Variants in PTPRD observed in about 807,000 individuals in gnomAD.
The protein encoded by PTPRD is protein tyrosine phosphatase receptor type D.
A neutral mutation model predicts 214.5 loss-of-function variants in PTPRD; 34 were observed. The observed-to-expected ratio is 0.16, with a 90% CI of 0.12 to 0.21. The LOEUF is 0.21. Ranked by LOEUF, PTPRD falls within the 10% of genes least tolerant of loss-of-function variation. PTPRD has a pLI of 1.00. For missense variants in PTPRD, 2,545 were observed against 2,398.7 expected (o/e 1.06, Z -1.27); for synonymous variants, 1,128 against 845.7 (o/e 1.33, Z -5.79).
chr9:9,148,347 G>T (rs1431164506), intron 10 of PTPRD, among the ~76,000 whole-genome samples: 6 of 151,910 alleles, frequency 3.9e-5, no homozygotes, highest in Non-Finnish European at 7.4e-5. Flanking sequence ...TTATACAGAA[G>T]AAAATATAGT....
chr9:10,423,222 G>T (rs1420473500), intron 2 of PTPRD, among the ~76,000 whole-genome samples: 1 of 151,840 alleles, frequency 6.6e-6, no homozygotes, highest in Non-Finnish European at 1.5e-5. Flanking sequence ...ACCAAGCACC[G>T]CATGTTCTCA....
At chr9:9,616,199 A>T (rs1031509914) in intron 7 of PTPRD, among the ~76,000 whole-genome samples, 1 of 152,162 alleles carries the variant, frequency 6.6e-6, no homozygotes, top group Admixed American at 6.5e-5. Context: ...TTACATTTAA[A>T]TTTCAAATGA....
At chr9:8,828,707 C>G (rs1437353686) in intron 11 of PTPRD, among the ~76,000 whole-genome samples, 1 of 152,132 alleles carries the variant, frequency 6.6e-6, no homozygotes, top group Non-Finnish European at 1.5e-5. Flanking sequence ...GTACTATTAT[C>G]TACGCATCTC....
At chr9:9,608,332 G>C (rs946923196) in intron 7 of PTPRD, among the ~76,000 whole-genome samples, 1 of 152,090 alleles carries the variant, frequency 6.6e-6, no homozygotes, top group Non-Finnish European at 1.5e-5. Context: ...CTGGTGCATG[G>C]TTATTTAACC....
chr9:9,781,793 T>C (rs1359637945), intron 5 of PTPRD, among the ~76,000 whole-genome samples: 2 of 122,554 alleles, frequency 1.6e-5, no homozygotes, highest in East Asian at 2.8e-4. Context: ...TTGTCTGGAC[T>C]CATATTTTTT....
intron 8 of PTPRD, among the ~76,000 whole-genome samples, chr9:9,456,661 C>G (rs1321258067): frequency 1.3e-5 from 2 of 151,850 alleles, no homozygotes; most frequent in African/African-American, 4.8e-5. Flanking sequence ...TTATTATGAG[C>G]TATACATTTC....
intron 9 of PTPRD, among the ~76,000 whole-genome samples, chr9:9,392,048 T>A (rs2066022488): frequency 6.6e-6 from 1 of 152,128 alleles, no homozygotes; most frequent in South Asian, 2.1e-4. Flanking sequence ...GTACCAAATT[T>A]ATAGTCCTAG....
chr9:9,579,678 C>CT (rs2090130122), intron 7 of PTPRD, among the ~76,000 whole-genome samples: 1 of 152,094 alleles, frequency 6.6e-6, no homozygotes, highest in Non-Finnish European at 1.5e-5. Context: ...CTCTCCTACC[C>CT]TTCAGTTAGA....
At chr9:8,371,555 G>A (rs1436490167) in intron 39 of PTPRD, among the ~76,000 whole-genome samples, 1 of 152,018 alleles carries the variant, frequency 6.6e-6, no homozygotes, top group Non-Finnish European at 1.5e-5. Context: ...TGTTTCTCCA[G>A]AGTTACAACT....
chr9:9,022,479 T>G (rs1025116780), intron 10 of PTPRD, among the ~76,000 whole-genome samples: 2 of 152,126 alleles, frequency 1.3e-5, no homozygotes, highest in African/African-American at 4.8e-5. Flanking sequence ...TGTGTTAGAG[T>G]TGCTTACAGT....
At chr9:8,672,835 T>G (rs1002831801) in intron 12 of PTPRD, among the ~76,000 whole-genome samples, 1 of 115,534 alleles carries the variant, frequency 8.7e-6, no homozygotes, top group Admixed American at 1.1e-4. Context: ...TCTTAATTTT[T>G]GTACTCTGTG....
At chr9:10,573,216 T>G (rs73642018) in intron 2 of PTPRD, among the ~76,000 whole-genome samples, 11,879 of 152,228 alleles carry the variant, frequency 0.078, 530 homozygotes, top group Middle Eastern at 0.14. Context: ...AGAATTAATC[T>G]TATTTTATAT....
At chr9:8,375,146 T>C (rs910862037) in intron 39 of PTPRD, among the ~76,000 whole-genome samples, 1 of 151,982 alleles carries the variant, frequency 6.6e-6, no homozygotes, top group Non-Finnish European at 1.5e-5. Flanking sequence ...ACTATACATT[T>C]ATATAGTAAT....
intron 10 of PTPRD, among the ~76,000 whole-genome samples, chr9:9,024,197 C>G (rs537884890): frequency 6.6e-6 from 1 of 151,688 alleles, no homozygotes; most frequent in Non-Finnish European, 1.5e-5. Flanking sequence ...CTCTTTTTTA[C>G]TTACTCTTCC....
At chr9:9,845,133 AAT>A (rs59199211) in intron 5 of PTPRD, among the ~76,000 whole-genome samples, 1 of 78,424 alleles carries the variant, frequency 1.3e-5, no homozygotes, top group African/African-American at 5.8e-5. Flanking sequence ...TATATAGAGC[AAT>A]ATATATATAT....
At chr9:10,610,501 A>C (rs933360395) in intron 2 of PTPRD, among the ~76,000 whole-genome samples, 1 of 143,902 alleles carries the variant, frequency 6.9e-6, no homozygotes, top group South Asian at 2.3e-4. Context: ...TTATTTTTCA[A>C]TAATTAAGTT....
intron 3 of PTPRD, among the ~76,000 whole-genome samples, chr9:10,060,946 TTCTTTCTC>T (rs1245495905): frequency 7.5e-6 from 1 of 132,828 alleles, no homozygotes; most frequent in African/African-American, 3.0e-5. Context: ...CTTTCTTTCT[TTCTTTCTC>T]TCTCTTCCTT....
intron 7 of PTPRD, among the ~76,000 whole-genome samples, chr9:9,613,803 C>A (rs1444237040): frequency 2.0e-5 from 3 of 152,062 alleles, no homozygotes; most frequent in Non-Finnish European, 4.4e-5. Context: ...GACTTGTGGG[C>A]ACGTGAAAAT....
At chr9:8,372,372 C>A (rs1441205626) in intron 39 of PTPRD, among the ~76,000 whole-genome samples, 2 of 151,898 alleles carry the variant, frequency 1.3e-5, no homozygotes, top group Admixed American at 1.3e-4. Context: ...CTTCTATATG[C>A]CATGCACTGT....
Sources: allele counts gnomAD v4.1 joint callset (sites outside exome capture counted in the v4.1 genomes callset), GRCh38; gene constraint gnomAD v4.1.1; transcripts MANE v1.5; gene names NCBI Gene and HGNC (gene_info 2026-07-23, HGNC 2026-07-21).